PTPN14: variants seen among roughly 807,000 people sequenced by gnomAD.
PTPN14 encodes protein tyrosine phosphatase non-receptor type 14, also known as tyrosine-protein phosphatase non-receptor type 14.
In PTPN14, 53 loss-of-function variants were observed where a neutral mutation model predicts 126.8. The observed-to-expected ratio is 0.42, with a 90% CI of 0.34 to 0.53. The LOEUF is 0.53. Among genes scored for constraint, PTPN14 ranks in the 20% least tolerant of loss-of-function variants. The probability of loss-of-function intolerance (pLI) is 0.08; values close to 1 mark genes in which losing one functional copy is unlikely to be tolerated. For synonymous variants in PTPN14, 630 were observed against 599.3 expected (o/e 1.05, Z -0.75); for missense variants, 1,257 against 1,552.9 (o/e 0.81, Z 3.20).
intron 1 of PTPN14, among the ~76,000 whole-genome samples, chr1:214,510,802 T>C (rs1654953854): frequency 6.6e-6 from 1 of 152,368 alleles, no homozygotes; most frequent in Non-Finnish European, 1.5e-5. Flanking sequence ...CCTCTGTGAA[T>C]GAATGATCTG....
At chr1:214,540,575 G>T (rs548854937) in intron 1 of PTPN14, among the ~76,000 whole-genome samples, 32 of 152,198 alleles carry the variant, frequency 2.1e-4, no homozygotes, top group African/African-American at 7.5e-4. Context: ...AGCAAGCAGC[G>T]CTGATGGCAG....
At chr1:214,410,404 T>C (rs1437727049) in intron 5 of PTPN14, among the ~76,000 whole-genome samples, 1 of 151,772 alleles carries the variant, frequency 6.6e-6, no homozygotes, top group African/African-American at 2.4e-5. Flanking sequence ...GCGATTCTCC[T>C]GCCTCAGCCT....
chr1:214,399,854 T>G (rs1183011210), intron 7 of PTPN14, among the ~76,000 whole-genome samples: 1 of 152,226 alleles, frequency 6.6e-6, no homozygotes, highest in Non-Finnish European at 1.5e-5. Context: ...ACCTGTCTAT[T>G]AGGTTGTACA....
chr1:214,400,871 T>C (rs1444462822), intron 7 of PTPN14, among the ~76,000 whole-genome samples: 1 of 152,186 alleles, frequency 6.6e-6, no homozygotes, highest in African/African-American at 2.4e-5. Context: ...CAGTTCTCAT[T>C]AAGGCAAATT....
chr1:214,367,438 G>A (rs990481182), intron 17 of PTPN14, among the ~76,000 whole-genome samples: 7 of 152,106 alleles, frequency 4.6e-5, no homozygotes, highest in African/African-American at 1.7e-4. Flanking sequence ...AGTACACATC[G>A]GAATATTTAT....
At chr1:214,395,588 A>AACACACACACAC (rs57357032) in intron 8 of PTPN14, among the ~76,000 whole-genome samples, 4,276 of 132,434 alleles carry the variant, frequency 0.032, 98 homozygotes, top group East Asian at 0.082. Context: ...GGGACCCAAC[A>AACACACACACAC]ACACACACAC....
At chr1:214,369,334 A>G in intron 17 of PTPN14, 123 bp downstream of exon 17, 1 of 824,484 alleles carries the variant, frequency 1.2e-6, no homozygotes, top group Non-Finnish European at 2.0e-6. Context: ...ATATTTCAAT[A>G]TTATAATACT....
intron 1 of PTPN14, among the ~76,000 whole-genome samples, chr1:214,538,218 G>A (rs1479875638): frequency 1.3e-5 from 2 of 152,072 alleles, no homozygotes; most frequent in Non-Finnish European, 2.9e-5. Flanking sequence ...AATGGAAGGA[G>A]GAAGGAACAC....
At chr1:214,414,131 T>A (rs1054636154) in intron 4 of PTPN14, among the ~76,000 whole-genome samples, 1 of 152,206 alleles carries the variant, frequency 6.6e-6, no homozygotes, top group Non-Finnish European at 1.5e-5. Flanking sequence ...ATAGGATGGA[T>A]TGAAAGATAA....
chr1:214,396,049 G>C (rs1658870941), intron 8 of PTPN14, among the ~76,000 whole-genome samples: 1 of 152,088 alleles, frequency 6.6e-6, no homozygotes, highest in South Asian at 2.1e-4. Flanking sequence ...CCGGTGCAGG[G>C]ATTCTGCCTT....
chr1:214,365,800 T>C lies in PTPN14; in HGVS notation c.3272-1125A>G, dbSNP rs140384357. ...CTACTACTACGATGATGATGACTAG[T>C]AGTAGTTATTAGTACTAGTCATAGC... On this transcript the variant is annotated intron_variant, in intron 17 of 18. Coordinates refer to ENST00000366956, the MANE Select transcript of PTPN14 (RefSeq NM_005401.5). Among the ~76,000 whole-genome samples, 851 of 152,270 alleles carry C rather than the reference T, an allele frequency of 5.6e-3. 8 individuals are homozygous for C. The highest frequency in any genetic ancestry group is 0.02 in the African/African-American group (817 of 41,530).
chr1:214,355,287 T>C lies in PTPN14; in HGVS notation c.*2635A>G, dbSNP rs921916947. On this transcript the variant is annotated 3_prime_UTR_variant, in exon 19 of 19. Coordinates refer to ENST00000366956, the MANE Select transcript of PTPN14 (RefSeq NM_005401.5). Reference sequence around the variant, plus strand: ...GACGACCTCAAAGACGCACCAGATCTATATGCTGTCCACATGAGACATATT... The same window carrying C: ...GACGACCTCAAAGACGCACCAGATCCATATGCTGTCCACATGAGACATATT... 1.8e-4 allele frequency: 27 copies of C among 152,316 alleles called. No individual in the cohort carries two copies. Among genetic ancestry groups the C allele is most frequent in the Admixed American group, 1.3e-4 (2 of 15,298 alleles). 9.4% of individuals were successfully genotyped at this position (152,316 alleles called of 1,614,324 possible).
intron 1 of PTPN14, among the ~76,000 whole-genome samples, chr1:214,504,915 T>C (rs1222738829): frequency 6.6e-6 from 1 of 151,752 alleles, no homozygotes; most frequent in East Asian, 1.9e-4. Context: ...GGAAAATGAG[T>C]TTAGGTTGAT....
intron 10 of PTPN14, among the ~76,000 whole-genome samples, chr1:214,391,437 T>A (rs1470546142): frequency 6.6e-6 from 1 of 152,068 alleles, no homozygotes; most frequent in Non-Finnish European, 1.5e-5. Flanking sequence ...CAAGAAAAAA[T>A]ATTTTTAAAA....
chr1:214,484,830 G>T (rs905931466), intron 1 of PTPN14, among the ~76,000 whole-genome samples: 3 of 152,196 alleles, frequency 2.0e-5, no homozygotes, highest in African/African-American at 7.2e-5. Context: ...ATGTCTTCAG[G>T]GGAAGCAAAA....
rs568119734 is a variant in PTPN14, at chr1:214,419,662, T to C, written c.345-4936A>G. Reference sequence around the variant, plus strand: ...TCTGGCTGATGTTATATTCTGCAAATGGAAACGTTTCTCTACTATAAAAGA... The same window carrying C: ...TCTGGCTGATGTTATATTCTGCAAACGGAAACGTTTCTCTACTATAAAAGA... On this transcript the variant is annotated intron_variant, in intron 3 of 18. Coordinates refer to ENST00000366956, the MANE Select transcript of PTPN14 (RefSeq NM_005401.5). 1.4e-4 allele frequency among the ~76,000 whole-genome samples: 21 copies of C among 152,128 alleles called. No homozygotes were observed. The South Asian group carries it at 2.9e-3, about 21-fold the overall frequency.
chr1:214,410,082 C>A (rs1659267298), intron 5 of PTPN14, among the ~76,000 whole-genome samples: 1 of 152,034 alleles, frequency 6.6e-6, no homozygotes. Flanking sequence ...TATTTTCTTT[C>A]AATGTGTGGG....
At chr1:214,416,193 G>A (rs971348534) in intron 3 of PTPN14, among the ~76,000 whole-genome samples, 1 of 152,172 alleles carries the variant, frequency 6.6e-6, no homozygotes, top group East Asian at 1.9e-4. Context: ...ACCTTACAAG[G>A]ATGCACATAT....
chr1:214,365,773 T>A (rs764343752), intron 17 of PTPN14, among the ~76,000 whole-genome samples: 6 of 152,190 alleles, frequency 3.9e-5, no homozygotes, highest in Non-Finnish European at 5.9e-5. Flanking sequence ...TTATCACTAC[T>A]ACTACTACTA....
Sources: allele counts gnomAD v4.1 joint callset (sites outside exome capture counted in the v4.1 genomes callset), GRCh38; gene constraint gnomAD v4.1.1; transcripts MANE v1.5; gene names NCBI Gene and HGNC (gene_info 2026-07-23, HGNC 2026-07-21).